The following IFT57 variants were observed in gnomAD, a reference collection of about 807,000 sequenced individuals.
IFT57 encodes intraflagellar transport protein 57 homolog.
A neutral mutation model predicts 56.8 loss-of-function variants in IFT57; 59 were observed. The observed-to-expected ratio is 1.04, with a 90% CI of 0.84 to 1.29. The LOEUF is 1.29. Ranked by LOEUF, IFT57 falls within the 50% of genes most tolerant of loss-of-function variation. The pLI is 0.00. For missense variants in IFT57, 470 were observed against 522.1 expected (o/e 0.90, Z 0.97); for synonymous variants, 209 against 186.1 (o/e 1.12, Z -1.00).
At chr3:108,163,598 G>T in intron 10 of IFT57, 65 bp downstream of exon 10, 2 of 1,032,480 alleles carry the variant, frequency 1.9e-6, no homozygotes, top group Non-Finnish European at 3.0e-6. Context: ...ATTTTGTTAA[G>T]TAGGTTTCTT....
intron 3 of IFT57, among the ~76,000 whole-genome samples, chr3:108,217,388 T>C (rs995158459): frequency 2.0e-5 from 3 of 152,234 alleles, no homozygotes; most frequent in Admixed American, 2.0e-4. Context: ...TAGCAGTTTT[T>C]TAAAATGCTA....
chr3:108,205,931 T>C (rs990133402), intron 5 of IFT57, among the ~76,000 whole-genome samples: 2 of 119,072 alleles, frequency 1.7e-5, no homozygotes, highest in Non-Finnish European at 3.3e-5. Context: ...ATTTATAATA[T>C]ATAAATATAT....
At chr3:108,178,419 CA>C (rs1435699158) in intron 6 of IFT57, among the ~76,000 whole-genome samples, 4 of 150,934 alleles carry the variant, frequency 2.7e-5, no homozygotes, top group Non-Finnish European at 5.9e-5. Context: ...TTGCTCCCCC[CA>C]AAAAAAATCA....
intron 9 of IFT57, among the ~76,000 whole-genome samples, chr3:108,164,404 A>T (rs1201760468): frequency 1.3e-5 from 2 of 152,114 alleles, no homozygotes; most frequent in East Asian, 3.9e-4. Context: ...GAAATTGAAA[A>T]TTTTTTACAT....
chr3:108,213,940 T>G lies in IFT57; in HGVS notation c.576A>C (p.Glu192Asp), dbSNP rs2080357237. The change falls in exon 4 of 11, where the codon GAA (glutamate) becomes GAC (aspartate). Residue 192 changes from glutamate (E) to aspartate (D), a missense_variant. Glu to Asp is a conservative substitution (Grantham distance 45). Transcript: ENST00000264538. ...DAELTLNKVD[E>D]EFVEEETDNE... is the part of the protein sequence containing the mutation. ...TCAGCTACACACATACCACAAATTCTTCATCCACTTTATTTAATGTTAATT... is the reference window on the plus strand; with the variant it reads ...TCAGCTACACACATACCACAAATTCGTCATCCACTTTATTTAATGTTAATT... The G allele has an allele frequency of 6.2e-7, 1 of 1,601,254 alleles. No homozygotes were observed.
At chr3:108,171,155 C>T (rs1560102741) in intron 6 of IFT57, among the ~76,000 whole-genome samples, 1 of 151,826 alleles carries the variant, frequency 6.6e-6, no homozygotes, top group Non-Finnish European at 1.5e-5. Context: ...GGGTAAGAAA[C>T]TGCTTGGGTA....
rs2080032802 is a variant in IFT57 at position 108,161,677 on chromosome 3, T to A, written c.*800A>T. The A allele has an allele frequency of 6.6e-6, 1 of 152,120 alleles. No homozygotes were observed. The highest frequency in any genetic ancestry group is 2.4e-5 in the African/African-American group (1 of 41,432). 9.4% of individuals were successfully genotyped at this position (152,120 alleles called of 1,614,324 possible). On this transcript the variant is annotated 3_prime_UTR_variant, in exon 11 of 11. Coordinates refer to ENST00000264538, the MANE Select transcript of IFT57 (RefSeq NM_018010.4). ...CTAGAAAGTTGCTCAGGAAGATGCA[T>A]AAGTAAAGATCATCAGTACTAGAGG...
At position 108,182,255 on chromosome 3, in the gene IFT57, AG is replaced by A. The variant is rs2080155089; in HGVS notation, c.777+9265del. On this transcript the variant is annotated intron_variant, in intron 6 of 10. Coordinates refer to ENST00000264538, the MANE Select transcript of IFT57 (RefSeq NM_018010.4). ...TTACTCTCTCCACTGCTTTGGAATG[AG>A]GGGGAAAAAATCCTCTATTGTTTCT... Among the ~76,000 whole-genome samples the A allele has an allele frequency of 4.6e-5, 7 of 152,194 alleles. No individual in the cohort carries two copies. The South Asian group carries it at 1.5e-3, about 32-fold the overall frequency.
In IFT57 at chr3:108,218,663, A is replaced by C; in HGVS notation, c.376-10T>G. 7.2e-7 allele frequency: 1 copy of C among 1,383,344 alleles called. No individual in the cohort carries two copies. Among genetic ancestry groups the C allele is most frequent in the East Asian group, 2.5e-5 (1 of 39,400 alleles). The allele number at this position is 1,383,344 out of a possible 1,614,324, so 85.7% of individuals were successfully genotyped here. A position where few individuals can be genotyped will look rare whatever the true frequency, so the allele number is the denominator to read the frequency against. On this transcript the variant is annotated splice_polypyrimidine_tract_variant and intron_variant, in intron 2 of 10. Transcript: ENST00000264538. ...AATCTGCAGTTCTTCCCTGAAAAAC[A>C]AAAGAAAAAACAGGGTATTATTTGT...
chr3:108,219,571 G>A lies in IFT57; in HGVS notation c.214C>T (p.His72Tyr), dbSNP rs763587443. Residue 72 changes from histidine to tyrosine, a missense_variant and splice_region_variant, in exon 2 of 11, where the codon CAC becomes TAC. Physicochemically the swap from His to Tyr is moderately conservative, Grantham distance 83. Transcript: ENST00000264538. ...RKSNLKAPSR[H>Y]YFALPTNPGE... is the part of the protein sequence containing the mutation. ...GGGTTGGTAGGCAGTGCAAAATAGT[G>A]TCTGTTTCAAAACAAGGAGGAATGG... is the stretch of plus-strand genomic sequence containing the variant. 2 of 1,613,102 alleles carry A rather than the reference G, an allele frequency of 1.2e-6. No homozygotes were observed. The highest frequency in any genetic ancestry group is 1.7e-6 in the Non-Finnish European group (2 of 1,179,140).
chr3:108,217,879 T>C (rs2080381583), intron 3 of IFT57, among the ~76,000 whole-genome samples: 1 of 151,996 alleles, frequency 6.6e-6, no homozygotes, highest in South Asian at 2.1e-4. Context: ...ATTTCATCTA[T>C]ATGCTCAATA....
At chr3:108,173,524 G>A (rs1560104062) in intron 6 of IFT57, among the ~76,000 whole-genome samples, 1 of 151,798 alleles carries the variant, frequency 6.6e-6, no homozygotes, top group South Asian at 2.1e-4. Context: ...GCTTAGCCTA[G>A]CTTACCTTCA....
At chr3:108,187,410 T>C (rs983944655) in intron 6 of IFT57, among the ~76,000 whole-genome samples, 2 of 152,102 alleles carry the variant, frequency 1.3e-5, no homozygotes, top group African/African-American at 4.8e-5. Flanking sequence ...TAAGATCTCA[T>C]CAAAGCACAT....
chr3:108,209,120 T>A (rs1258282827), intron 4 of IFT57, among the ~76,000 whole-genome samples: 1 of 152,200 alleles, frequency 6.6e-6, no homozygotes, highest in Non-Finnish European at 1.5e-5. Context: ...ATGTGACCAG[T>A]TACAGAAATG....
intron 5 of IFT57, among the ~76,000 whole-genome samples, chr3:108,205,162 G>A (rs555320539): frequency 4.4e-4 from 67 of 152,172 alleles, no homozygotes; most frequent in South Asian, 1.7e-3. Flanking sequence ...GATTTCAGAC[G>A]GGGAAATATG....
Position 108,161,718 on chromosome 3 carries a change from C to A in IFT57, c.*759G>T, listed in dbSNP as rs1165043667. 4 of 152,074 alleles carry A rather than the reference C, an allele frequency of 2.6e-5. No homozygotes were observed. Among genetic ancestry groups the A allele is most frequent in the African/African-American group, 9.7e-5 (4 of 41,408 alleles). The allele number at this position is 152,074 out of a possible 1,614,324, so 9.4% of individuals were successfully genotyped here. A position where few individuals can be genotyped will look rare whatever the true frequency, so the allele number is the denominator to read the frequency against. On this transcript the variant is annotated 3_prime_UTR_variant, in exon 11 of 11. Transcript: ENST00000264538. Reference sequence around the variant, plus strand: ...GTACTAGAGGCTGATCTTCATGCGACCTGTCATCGTTCCTTCTTCTACAAA... The same window carrying A: ...GTACTAGAGGCTGATCTTCATGCGAACTGTCATCGTTCCTTCTTCTACAAA...
Position 108,213,985 on chromosome 3 carries a change from G to A in IFT57, c.531C>T (p.Ser177=), listed in dbSNP as rs61760173. 21 of 1,608,008 alleles carry A rather than the reference G, an allele frequency of 1.3e-5. No individual in the cohort carries two copies. Among genetic ancestry groups the A allele is most frequent in the Middle Eastern group, 1.6e-4 (1 of 6,068 alleles). The stretch of plus-strand genomic sequence containing the variant: ...TTAATTCTGCATCATCTTCTGCAAC[G>A]CTTTCTTCTTCTAATTCTTCTACTG... The part of the protein sequence containing the change: ...IYPVEELEEE[S]VAEDDAELTL... Residue 177 remains serine (S), a synonymous_variant, in exon 4 of 11, where the codon AGC becomes AGT. Transcript: ENST00000264538.
At chr3:108,162,725 C>T (rs2108306219) in intron 10 of IFT57, 70 bp from the exon 11 acceptor site, 1 of 1,224,616 alleles carries the variant, frequency 8.2e-7, no homozygotes, top group Non-Finnish European at 1.1e-6. Flanking sequence ...AATTGTATGA[C>T]ATTTTCCTCA....
chr3:108,210,874 T>C (rs912250865), intron 4 of IFT57, among the ~76,000 whole-genome samples: 2 of 152,190 alleles, frequency 1.3e-5, no homozygotes, highest in African/African-American at 2.4e-5. Flanking sequence ...GCTCTTATGA[T>C]AGTAGAAGGT....
Sources: gnomAD v4.1 joint callset for allele counts (sites outside exome capture counted in the v4.1 genomes callset) on GRCh38, gnomAD v4.1.1 for gene constraint, MANE v1.5 for transcripts, NCBI Gene and HGNC (gene_info 2026-07-23, HGNC 2026-07-21) for gene names.